PHF24: variants seen among roughly 807,000 people sequenced by gnomAD.
PHF24 encodes PHD finger protein 24.
In PHF24, 25 loss-of-function variants were observed where a neutral mutation model predicts 42.6. The observed-to-expected ratio is 0.59, with a 90% CI of 0.43 to 0.82. PHF24 has a LOEUF of 0.82. Among genes scored for constraint, PHF24 ranks in the 40% least tolerant of loss-of-function variants. The pLI, the probability that PHF24 is intolerant of heterozygous loss-of-function variation, is 0.00. For missense variants in PHF24, 470 were observed against 538.1 expected (o/e 0.87, Z 1.25); for synonymous variants, 185 against 204.8 (o/e 0.90, Z 0.83).
chr9:34,799,812 TG>T, the PHF24 span, among the ~76,000 whole-genome samples: 1 of 152,204 alleles, frequency 6.6e-6, no homozygotes, highest in Non-Finnish European at 1.5e-5. Flanking sequence ...GACTTCTGTG[TG>T]GGGAATCATT....
the PHF24 span, among the ~76,000 whole-genome samples, chr9:34,767,479 A>G: frequency 6.6e-6 from 1 of 152,198 alleles, no homozygotes; most frequent in South Asian, 2.1e-4. Context: ...GCAATCAGCG[A>G]GACTCCGTGC....
At chr9:34,837,715 C>T in the PHF24 span, 2 of 1,482,972 alleles carry the variant, frequency 1.3e-6, no homozygotes, top group South Asian at 1.2e-5. Context: ...AAGACAAAAA[C>T]ATTAGAATGT....
chr9:34,707,787 G>T, the PHF24 span, among the ~76,000 whole-genome samples: 2 of 152,052 alleles, frequency 1.3e-5, no homozygotes, highest in African/African-American at 4.8e-5. Flanking sequence ...GAGTGCAATG[G>T]CACAATCGAT....
the PHF24 span, among the ~76,000 whole-genome samples, chr9:34,840,770 G>A: frequency 6.6e-6 from 1 of 151,748 alleles, no homozygotes; most frequent in South Asian, 2.1e-4. Context: ...CCTTGATATG[G>A]CTGAAACACA....
At chr9:34,771,667 T>G in the PHF24 span, among the ~76,000 whole-genome samples, 6 of 151,982 alleles carry the variant, frequency 3.9e-5, no homozygotes, top group African/African-American at 1.5e-4. Context: ...TGTAGATGTG[T>G]GTAACCACCA....
the PHF24 span, chr9:34,837,528 C>T: frequency 1.5e-6 from 1 of 668,994 alleles, no homozygotes; most frequent in Non-Finnish European, 2.6e-6. Flanking sequence ...ATGGAAGTTT[C>T]AGTCTGGGGA....
the PHF24 span, chr9:34,729,576 G>A: frequency 2.7e-6 from 2 of 750,432 alleles, no homozygotes; most frequent in East Asian, 5.5e-5. Flanking sequence ...AAGCCCTCCT[G>A]TTTCATAAGG....
chr9:34,971,213 C>A, intron 1 of PHF24, 82 bp from the exon 2 acceptor site: 1 of 1,470,270 alleles, frequency 6.8e-7, no homozygotes, highest in South Asian at 1.3e-5. Context: ...GTTTAATAGC[C>A]CTTGCCACTT....
At chr9:34,894,295 T>C in the PHF24 span, 1 of 394,806 alleles carries the variant, frequency 2.5e-6, no homozygotes. Context: ...CCTGCCCTGG[T>C]AACTCTCTCA....
chr9:34,919,100 AT>A, the PHF24 span, among the ~76,000 whole-genome samples: 1 of 152,188 alleles, frequency 6.6e-6, no homozygotes, highest in African/African-American at 2.4e-5. Context: ...TTACAGAAAA[AT>A]TTAGCAGACA....
chr9:34,917,312 C>A, the PHF24 span: 12 of 937,992 alleles, frequency 1.3e-5, no homozygotes, highest in Non-Finnish European at 1.9e-5. Context: ...AGACCTGGAC[C>A]CTGGACAGTG....
the PHF24 span, among the ~76,000 whole-genome samples, chr9:34,829,173 A>G: frequency 6.6e-6 from 1 of 152,168 alleles, no homozygotes; most frequent in Non-Finnish European, 1.5e-5. Flanking sequence ...GTTAGGAAAA[A>G]AAATTCAAGA....
rs537638078 is a variant in PHF24 at position 34,969,497 on chromosome 9, C to T, written c.-4-1798C>T. Among the ~76,000 whole-genome samples the T allele has an allele frequency of 4.9e-3, 750 of 151,986 alleles. 4 individuals are homozygous for T. The highest frequency in any genetic ancestry group is 7.6e-3 in the Non-Finnish European group (514 of 67,944). Reference sequence around the variant, plus strand: ...TCTACTAAAAATACAAAAAATTAGCCGGGCATGGTGGCATGTGCCTGTAGT... The same window carrying T: ...TCTACTAAAAATACAAAAAATTAGCTGGGCATGGTGGCATGTGCCTGTAGT... On this transcript the variant is annotated intron_variant, in intron 1 of 7. Coordinates refer to ENST00000242315, the Ensembl canonical transcript of PHF24.
At chr9:34,735,073 G>A in the PHF24 span, among the ~76,000 whole-genome samples, 1 of 151,652 alleles carries the variant, frequency 6.6e-6, no homozygotes, top group Non-Finnish European at 1.5e-5. Flanking sequence ...ATCATTTTCA[G>A]GTATAAAAAT....
chr9:34,818,335 T>C, the PHF24 span, among the ~76,000 whole-genome samples: 3 of 152,234 alleles, frequency 2.0e-5, no homozygotes, highest in South Asian at 2.1e-4. Flanking sequence ...CCCTTTATCA[T>C]GTTGAGGAAG....
the PHF24 span, among the ~76,000 whole-genome samples, chr9:34,856,283 C>CT: frequency 6.6e-6 from 1 of 152,184 alleles, no homozygotes; most frequent in African/African-American, 2.4e-5. Flanking sequence ...TCATTTCAGC[C>CT]TTCTCAGCCT....
the PHF24 span, chr9:34,836,916 C>T: frequency 1.3e-5 from 4 of 315,896 alleles, no homozygotes; most frequent in South Asian, 8.3e-5. Context: ...ATAATTATGC[C>T]TTTGCAACCC....
chr9:34,756,175 C>G, the PHF24 span, among the ~76,000 whole-genome samples: 1 of 152,178 alleles, frequency 6.6e-6, no homozygotes, highest in South Asian at 2.1e-4. Flanking sequence ...TCTCAGCTCA[C>G]TGCAACCTCT....
the PHF24 span, chr9:34,722,943 A>T: frequency 2.7e-6 from 1 of 370,804 alleles, no homozygotes; most frequent in East Asian, 4.4e-5. Flanking sequence ...ATGGTGACCC[A>T]TCTGAAAGGT....
Sources: gnomAD v4.1 joint callset for allele counts (sites outside exome capture counted in the v4.1 genomes callset) on GRCh38, gnomAD v4.1.1 for gene constraint, MANE v1.5 for transcripts, NCBI Gene and HGNC (gene_info 2026-07-23, HGNC 2026-07-21) for gene names.